The following ARHGEF38 variants were observed in gnomAD, a reference collection of about 807,000 sequenced individuals.
ARHGEF38 encodes Rho guanine nucleotide exchange factor (GEF) 38.
In ARHGEF38, 79 loss-of-function variants were observed where a neutral mutation model predicts 79.9. That is an observed-to-expected ratio of 0.99 (90% confidence interval 0.82 to 1.19). The LOEUF is 1.19. Ranked by LOEUF, ARHGEF38 falls within the 50% of genes most tolerant of loss-of-function variation. The pLI, the probability that ARHGEF38 is intolerant of heterozygous loss-of-function variation, is 0.00. For synonymous variants in ARHGEF38, 366 were observed against 328.3 expected (o/e 1.11, Z -1.24); for missense variants, 962 against 907.2 (o/e 1.06, Z -0.78).
At chr4:105,666,660 G>A (rs975534508) in intron 11 of ARHGEF38, among the ~76,000 whole-genome samples, 1 of 152,078 alleles carries the variant, frequency 6.6e-6, no homozygotes, top group African/African-American at 2.4e-5. Context: ...GGCATACCAG[G>A]CCCCAGAGAT....
At chr4:105,632,132 T>C (rs946988015) in intron 4 of ARHGEF38, among the ~76,000 whole-genome samples, 13 of 152,304 alleles carry the variant, frequency 8.5e-5, no homozygotes, top group African/African-American at 2.4e-4. Context: ...CCGGCTAGAA[T>C]TGGGTCTGAA....
At chr4:105,555,239 C>T (rs569255148) in intron 1 of ARHGEF38, among the ~76,000 whole-genome samples, 10 of 152,148 alleles carry the variant, frequency 6.6e-5, no homozygotes, top group African/African-American at 2.4e-4. Flanking sequence ...AGAAAAATCA[C>T]CAAGAAGTAT....
intron 7 of ARHGEF38, among the ~76,000 whole-genome samples, chr4:105,653,075 T>C (rs1347626675): frequency 6.6e-6 from 1 of 152,198 alleles, no homozygotes; most frequent in Non-Finnish European, 1.5e-5. Context: ...TCTTGTTTTG[T>C]AGCCATTTTG....
intron 1 of ARHGEF38, among the ~76,000 whole-genome samples, chr4:105,583,864 T>C (rs1726911029): frequency 6.6e-6 from 1 of 152,186 alleles, no homozygotes; most frequent in Admixed American, 6.5e-5. Context: ...GATGCTATTT[T>C]TTTTTCTATT....
chr4:105,567,623 T>G (rs566465135), intron 1 of ARHGEF38, among the ~76,000 whole-genome samples: 4 of 152,352 alleles, frequency 2.6e-5, no homozygotes, highest in Non-Finnish European at 5.9e-5. Context: ...TTGATTTATC[T>G]CATGACTTCA....
chr4:105,639,920 G>A (rs1474835655), intron 5 of ARHGEF38, among the ~76,000 whole-genome samples: 1 of 151,808 alleles, frequency 6.6e-6, no homozygotes, highest in Non-Finnish European at 1.5e-5. Flanking sequence ...TAGCCAAATC[G>A]TTCTGCAAGA....
At chr4:105,621,750 T>C (rs1471398562) in intron 3 of ARHGEF38, among the ~76,000 whole-genome samples, 1 of 152,206 alleles carries the variant, frequency 6.6e-6, no homozygotes, top group Non-Finnish European at 1.5e-5. Flanking sequence ...TGTAAGTGTG[T>C]GCATGTTTTA....
Position 105,667,447 on chromosome 4 carries a change from T to C in ARHGEF38, c.1892T>C (p.Val631Ala). 1 of 1,536,138 alleles carries C rather than the reference T, an allele frequency of 6.5e-7. No homozygotes were observed. The highest frequency in any genetic ancestry group is 8.7e-7 in the Non-Finnish European group (1 of 1,146,892). ...TTTCTTTTTATTTCCTATCCAGATG[T>C]GAAAGGATATGTTTATTCCTCCTTC... ...TSRWLVDTGN[V>A]KGYVYSSFLK... The change falls in exon 13 of 14, where the codon GTG becomes GCG. Residue 631 changes from valine to alanine, a missense_variant. Physicochemically the swap from Val to Ala is moderately conservative, Grantham distance 64. Transcript: ENST00000420470.
intron 3 of ARHGEF38, among the ~76,000 whole-genome samples, chr4:105,630,671 GA>G (rs1366562460): frequency 6.6e-6 from 1 of 151,532 alleles, no homozygotes; most frequent in African/African-American, 2.4e-5. Flanking sequence ...AGAAAAAAAA[GA>G]AAAGACAGAA....
chr4:105,657,169 T>C (rs1238186042), intron 9 of ARHGEF38, among the ~76,000 whole-genome samples: 1 of 152,218 alleles, frequency 6.6e-6, no homozygotes, highest in Non-Finnish European at 1.5e-5. Context: ...TAGAAGTCTT[T>C]AAAGGTTTGC....
At chr4:105,647,536 C>T (rs1729901417) in intron 6 of ARHGEF38, among the ~76,000 whole-genome samples, 1 of 152,052 alleles carries the variant, frequency 6.6e-6, no homozygotes, top group Non-Finnish European at 1.5e-5. Context: ...ACAAATAAAA[C>T]TTTGTATACT....
At chr4:105,616,534 GA>G (rs1728516235) in intron 3 of ARHGEF38, among the ~76,000 whole-genome samples, 1 of 152,028 alleles carries the variant, frequency 6.6e-6, no homozygotes, top group South Asian at 2.1e-4. Context: ...ACTATCACAA[GA>G]ACAGCAAGGG....
rs565517867 is a variant in ARHGEF38 at position 105,560,493 on chromosome 4, A to G, written c.196+7532A>G. 3.9e-5 allele frequency among the ~76,000 whole-genome samples: 6 copies of G among 152,336 alleles called. No individual in the cohort carries two copies. In the South Asian group the frequency reaches 1.2e-3, roughly 32 times the overall value. On this transcript the variant is annotated intron_variant, in intron 1 of 13. Coordinates refer to ENST00000420470, the MANE Select transcript of ARHGEF38 (RefSeq NM_001242729.2). ...TGAAAAGAATGGAATTATGTGTGGG[A>G]AACAAGCAACTTTTTATCTGGATAG... is the stretch of plus-strand genomic sequence containing the variant.
chr4:105,586,910 C>A (rs1326803535), intron 1 of ARHGEF38, among the ~76,000 whole-genome samples: 1 of 150,238 alleles, frequency 6.7e-6, no homozygotes, highest in African/African-American at 2.5e-5. Context: ...GTCTCCCCCA[C>A]CCCCACCCAA....
At chr4:105,661,060 T>A (rs768206626) in intron 10 of ARHGEF38, among the ~76,000 whole-genome samples, 1 of 152,218 alleles carries the variant, frequency 6.6e-6, no homozygotes, top group Non-Finnish European at 1.5e-5. Flanking sequence ...TCTGGGCATT[T>A]TGTATAAATG....
At chr4:105,586,824 C>T (rs953576630) in intron 1 of ARHGEF38, among the ~76,000 whole-genome samples, 3 of 152,226 alleles carry the variant, frequency 2.0e-5, no homozygotes, top group East Asian at 1.9e-4. Flanking sequence ...AGCTCTCTTA[C>T]GCATGAGATT....
downstream of ARHGEF38, chr4:105,682,368 G>A (rs752598398): frequency 5.3e-5 from 9 of 170,724 alleles, no homozygotes; most frequent in South Asian, 1.5e-4. Flanking sequence ...ATGTTGGGTC[G>A]TCCCTGCCGC....
rs140575971 is a variant in ARHGEF38, at chr4:105,624,928, C to T, written c.509-5970C>T. ...CAGTCAGAGGCCTGTATTGTTGCAC[C>T]CAGATCTCAGACCTTCTTTCCAGAG... On this transcript the variant is annotated intron_variant, in intron 3 of 13. Coordinates refer to ENST00000420470, the MANE Select transcript of ARHGEF38 (RefSeq NM_001242729.2). Among the ~76,000 whole-genome samples, 338 of 152,290 alleles carry T rather than the reference C, an allele frequency of 2.2e-3. 1 individual carries two copies. Among genetic ancestry groups the T allele is most frequent in the Middle Eastern group, 0.01 (3 of 294 alleles).
chr4:105,652,437 A>G (rs908301203), intron 7 of ARHGEF38, among the ~76,000 whole-genome samples: 1 of 151,164 alleles, frequency 6.6e-6, no homozygotes, highest in East Asian at 1.9e-4. Context: ...GGAGAGAGCA[A>G]TTAATTTTCT....
Sources: gnomAD v4.1 joint callset for allele counts (sites outside exome capture counted in the v4.1 genomes callset) on GRCh38, gnomAD v4.1.1 for gene constraint, MANE v1.5 for transcripts, NCBI Gene and HGNC (gene_info 2026-07-23, HGNC 2026-07-21) for gene names.